Variants in SYNE1 observed in about 807,000 individuals in gnomAD.
SYNE1 encodes the protein spectrin repeat containing nuclear envelope protein 1, also known as nesprin-1.
A neutral mutation model predicts 1,111.0 loss-of-function variants in SYNE1; 616 were observed. That is an observed-to-expected ratio of 0.55 (90% confidence interval 0.52 to 0.59). The LOEUF (loss-of-function observed/expected upper bound fraction) is 0.59, where lower values mean the gene tolerates loss of function less well. SYNE1 is among the 20% of genes least tolerant of loss of function. The probability of loss-of-function intolerance (pLI) is 0.00; values close to 1 mark genes in which losing one functional copy is unlikely to be tolerated. For synonymous variants in SYNE1, 3,855 were observed against 3,825.8 expected, an observed-to-expected ratio of 1.01 and a Z score of -0.28; for missense variants, 10,006 against 10,417.0, an observed-to-expected ratio of 0.96 and a Z score of 1.72.
intron 101 of SYNE1, among the ~76,000 whole-genome samples, chr6:152,258,787 C>T (rs1178958134): frequency 6.6e-6 from 1 of 151,476 alleles, no homozygotes; most frequent in Non-Finnish European, 1.5e-5. Context: ...CTCCATCGCC[C>T]AGGCTGGAGT....
chr6:152,554,590 T>C (rs768012667), intron 3 of SYNE1, among the ~76,000 whole-genome samples: 24 of 152,148 alleles, frequency 1.6e-4, no homozygotes, highest in Non-Finnish European at 2.9e-4. Flanking sequence ...TTCATATGCT[T>C]CCTCAGTTTA....
intron 137 of SYNE1, 57 bp downstream of exon 137, chr6:152,147,988 A>G: frequency 1.4e-6 from 2 of 1,441,554 alleles, no homozygotes; most frequent in Middle Eastern, 1.7e-4. Context: ...TTCCAGGGCA[A>G]TATTAATTCC....
intron 8 of SYNE1, among the ~76,000 whole-genome samples, chr6:152,506,366 T>C (rs1334115513): frequency 6.6e-6 from 1 of 152,178 alleles, no homozygotes; most frequent in East Asian, 1.9e-4. Context: ...AGTCATCTAG[T>C]AGCTTCTTTT....
chr6:152,203,966 C>T (rs1443051309), intron 126 of SYNE1, among the ~76,000 whole-genome samples: 1 of 152,074 alleles, frequency 6.6e-6, no homozygotes, highest in African/African-American at 2.4e-5. Flanking sequence ...TGAGGGTAGA[C>T]AAAAAGTTTC....
At position 152,350,790 on chromosome 6, in the gene SYNE1, A is replaced by C. The variant is rs758678235; in HGVS notation, c.11581-20T>G. 8 of 1,613,782 alleles carry C rather than the reference A, an allele frequency of 5.0e-6. No homozygotes were observed. The African/African-American group carries it at 1.1e-4, about 22-fold the overall frequency. Reference sequence around the variant, plus strand: ...AAGTGACTTGAATTACAAAGAAAAAAAAATGAGCCTGCTCATCTCCGTGGA... The same window carrying C: ...AAGTGACTTGAATTACAAAGAAAAACAAATGAGCCTGCTCATCTCCGTGGA... On this transcript the variant is annotated intron_variant, in intron 70 of 145. Transcript: ENST00000367255.
chr6:152,425,829 G>T (rs1421053688), intron 38 of SYNE1, among the ~76,000 whole-genome samples: 2 of 152,224 alleles, frequency 1.3e-5, no homozygotes, highest in Non-Finnish European at 2.9e-5. Flanking sequence ...ACTAAAACCT[G>T]AATAAGTTTT....
Position 152,141,223 on chromosome 6 carries a change from C to T in SYNE1, c.25226G>A (p.Ser8409Asn). ...CTCACCAGCCGTTTGGGTTTCGGTA[C>T]TATGCAGGTTAACAAAGCCAGGAAG... ...ESLPGFVNLH[S>N]TETQTAGVID... Residue 8409 changes from serine to asparagine, a missense_variant, in exon 139 of 146, where the codon AGT (serine) becomes AAT (asparagine). By Grantham distance (46) the Ser-to-Asn change is conservative. Coordinates refer to ENST00000367255, the MANE Select transcript of SYNE1 (RefSeq NM_182961.4). 1.2e-6 allele frequency: 2 copies of T among 1,614,104 alleles called. No homozygotes were observed. Among genetic ancestry groups the T allele is most frequent in the Non-Finnish European group, 1.7e-6 (2 of 1,179,996 alleles).
rs61142738 is a variant in SYNE1, at chr6:152,237,306, C to CT, written c.20068-359dup. Among the ~76,000 whole-genome samples, 748 of 119,610 alleles carry CT rather than the reference C, an allele frequency of 6.3e-3. 20 individuals are homozygous for CT. Among genetic ancestry groups the CT allele is most frequent in the African/African-American group, 0.02 (638 of 31,610 alleles). The allele number at this position is 119,610 out of a possible 152,430, so 78.5% of individuals were successfully genotyped here. On this transcript the variant is annotated intron_variant, in intron 108 of 145. Transcript: ENST00000367255. The stretch of plus-strand genomic sequence containing the variant: ...CAGTGTACCTTCTATTGGGTATGCA[C>CT]TTTTTTTTTTTTTTTTTTTTTTAGA...
chr6:152,194,195 T>C (rs1014198099), intron 127 of SYNE1, among the ~76,000 whole-genome samples: 1 of 152,224 alleles, frequency 6.6e-6, no homozygotes, highest in African/African-American at 2.4e-5. Flanking sequence ...TCAGGTCTGA[T>C]GTTAATGAAA....
In SYNE1 at chr6:152,269,276, T is replaced by G. The variant is rs370472085; in HGVS notation, c.18584A>C (p.Gln6195Pro). The change falls in exon 99 of 146, where the codon CAG becomes CCG. Residue 6195 changes from glutamine (Q) to proline (P), a missense_variant. Coordinates refer to ENST00000367255, the MANE Select transcript of SYNE1 (RefSeq NM_182961.4). ...DKQLNMQGTAQEKEESDVDLT... is the reference protein window; with the variant it reads ...DKQLNMQGTAPEKEESDVDLT... ...GTCAACATCGCTCTCCTCCTTCTCCTGTGCTGTTCCCTGCTTTTAACGAGG... is the reference window on the plus strand; with the variant it reads ...GTCAACATCGCTCTCCTCCTTCTCCGGTGCTGTTCCCTGCTTTTAACGAGG... 2.2e-5 allele frequency: 36 copies of G among 1,614,076 alleles called. No homozygotes were observed. In the African/African-American group the frequency reaches 4.4e-4, roughly 20 times the overall value.
chr6:152,247,778 CACAT>C (rs1433068768), intron 105 of SYNE1, among the ~76,000 whole-genome samples: 29 of 141,294 alleles, frequency 2.1e-4, no homozygotes, highest in African/African-American at 6.0e-4. Flanking sequence ...CACACACACA[CACAT>C]ATATTTTTAA....
intron 9 of SYNE1, among the ~76,000 whole-genome samples, chr6:152,503,621 A>T (rs553513773): frequency 2.6e-5 from 4 of 152,334 alleles, no homozygotes; most frequent in African/African-American, 9.6e-5. Flanking sequence ...GTATAAAACT[A>T]ATCTAATCTT....
At chr6:152,144,699 G>GA (rs2059153668) in intron 137 of SYNE1, 1 of 152,260 alleles carries the variant, frequency 6.6e-6, no homozygotes, top group Admixed American at 6.6e-5. Flanking sequence ...CTGTCCTTTT[G>GA]ATTTTCTTCA....
intron 87 of SYNE1, among the ~76,000 whole-genome samples, chr6:152,313,447 A>C (rs1186114735): frequency 6.6e-6 from 1 of 150,764 alleles, no homozygotes; most frequent in Admixed American, 6.6e-5. Flanking sequence ...TAGAAAAAAC[A>C]CAATGGATTT....
At chr6:152,535,440 T>A (rs2099230185) in intron 4 of SYNE1, among the ~76,000 whole-genome samples, 1 of 152,194 alleles carries the variant, frequency 6.6e-6, no homozygotes, top group Non-Finnish European at 1.5e-5. Flanking sequence ...TGTTGATGGC[T>A]CCATAAATTT....
At chr6:152,240,470 T>C (rs2085347478) in intron 107 of SYNE1, among the ~76,000 whole-genome samples, 1 of 152,238 alleles carries the variant, frequency 6.6e-6, no homozygotes, top group South Asian at 2.1e-4. Flanking sequence ...TACCTACACA[T>C]AACATAACTG....
intron 91 of SYNE1, chr6:152,302,315 G>A (rs1335771114): frequency 3.5e-6 from 2 of 577,460 alleles, no homozygotes; most frequent in East Asian, 3.0e-5. Flanking sequence ...GAAATGAGGG[G>A]ATGAGGCCGA....
chr6:152,138,545 AAAT>A (rs957815855), intron 140 of SYNE1, among the ~76,000 whole-genome samples: 1 of 150,232 alleles, frequency 6.7e-6, no homozygotes, highest in African/African-American at 2.4e-5. Context: ...ATAAATAAAT[AAAT>A]AAATAAATAA....
intron 20 of SYNE1, 157 bp downstream of exon 20, chr6:152,462,581 T>A: frequency 1.3e-6 from 1 of 748,948 alleles, no homozygotes; most frequent in Non-Finnish European, 2.2e-6. Flanking sequence ...TTATGTTCAA[T>A]ACATTTTTTT....
Sources: allele counts gnomAD v4.1 joint callset (sites outside exome capture counted in the v4.1 genomes callset), GRCh38; gene constraint gnomAD v4.1.1; transcripts MANE v1.5; gene names NCBI Gene and HGNC (gene_info 2026-07-23, HGNC 2026-07-21).